HK1: variants seen among roughly 807,000 people sequenced by gnomAD.
The protein encoded by HK1 is hexokinase-1.
In HK1, 28 loss-of-function variants were observed where a neutral mutation model predicts 91.6. The observed-to-expected ratio is 0.31, with a 90% CI of 0.23 to 0.42. The LOEUF (loss-of-function observed/expected upper bound fraction) is 0.42, where lower values mean the gene tolerates loss of function less well. Ranked by LOEUF, HK1 falls within the 10% of genes least tolerant of loss-of-function variation. The pLI is 1.00. For missense variants in HK1, 770 were observed against 1,219.8 expected, an observed-to-expected ratio of 0.63 and a Z score of 5.49; for synonymous variants, 430 against 468.1, an observed-to-expected ratio of 0.92 and a Z score of 1.05.
At chr10:69,338,911 G>A (rs190309688) in intron 1 of HK1, among the ~76,000 whole-genome samples, 1 of 152,268 alleles carries the variant, frequency 6.6e-6, no homozygotes, top group East Asian at 1.9e-4. Flanking sequence ...AAGACCAAGA[G>A]TCAGCCTTTC....
chr10:69,400,317 C>T (rs1010016484), intron 17 of HK1, among the ~76,000 whole-genome samples: 7 of 152,236 alleles, frequency 4.6e-5, no homozygotes, highest in African/African-American at 1.7e-4. Context: ...GAGCCCCTCA[C>T]CACAAGCATC....
At chr10:69,291,532 G>A (rs908139263) in intron 3 of HK1, among the ~76,000 whole-genome samples, 6 of 152,174 alleles carry the variant, frequency 3.9e-5, no homozygotes, top group African/African-American at 1.4e-4. Context: ...GGGAAACTGA[G>A]GCTTAGAGAG....
chr10:69,299,722 C>T (rs183146621), intron 4 of HK1, among the ~76,000 whole-genome samples: 63 of 150,706 alleles, frequency 4.2e-4, no homozygotes, highest in East Asian at 3.5e-3. Flanking sequence ...AGTGCAGTGG[C>T]GCAATCTCGG....
In HK1 at chr10:69,300,120, C is replaced by T. The variant is rs563831115; in HGVS notation, c.-66-649C>T. On this transcript the variant is annotated intron_variant, in intron 4 of 21. Coordinates refer to the HK1 transcript ENST00000360289. ...CGGCTGTTTAAGAAGTTTTAACACA[C>T]GTATACACCTATGTAACCGTTGCCC... Among the ~76,000 whole-genome samples, 15 of 151,758 alleles carry T rather than the reference C, an allele frequency of 9.9e-5. 1 individual carries two copies. Among genetic ancestry groups the T allele is most frequent in the African/African-American group, 3.6e-4 (15 of 41,136 alleles).
intron 10 of HK1, 94 bp from the exon 11 acceptor site, chr10:69,384,239 G>A (rs1839525893): frequency 6.9e-7 from 1 of 1,444,374 alleles, no homozygotes; most frequent in South Asian, 1.1e-5. Context: ...TTTGCTATGG[G>A]GTTCTCCCCT....
Position 69,360,014 on chromosome 10 carries a change from C to T in HK1, c.344C>T (p.Pro115Leu). The T allele has an allele frequency of 6.2e-7, 1 of 1,614,148 alleles. No homozygotes were observed. Among genetic ancestry groups the T allele is most frequent in the South Asian group, 1.1e-5 (1 of 91,084 alleles). ...VHMESEVYDT[P>L]ENIVHGSGSQ... ...ATGGAGTCCGAGGTTTATGACACCC[C>T]AGAGAACATCGTGCACGGCAGTGGA... Residue 115 changes from proline to leucine, a missense_variant, in exon 3 of 18, where the codon CCA becomes CTA. Coordinates refer to ENST00000359426, the MANE Select transcript of HK1 (RefSeq NM_000188.3).
intron 17 of HK1, 98 bp downstream of exon 17, chr10:69,398,926 G>A (rs1480718509): frequency 3.4e-6 from 3 of 889,048 alleles, no homozygotes; most frequent in African/African-American, 3.3e-5. Flanking sequence ...ATGCCCTGCG[G>A]GAGCCCAGCC....
Position 69,386,336 on chromosome 10 carries a change from C to T in HK1, c.1853C>T (p.Thr618Met), listed in dbSNP as rs768122775. The T allele has an allele frequency of 6.2e-6, 10 of 1,613,646 alleles. No individual in the cohort carries two copies. The highest frequency in any genetic ancestry group is 1.7e-5 in the Admixed American group (1 of 60,022). Residue 618 changes from threonine (T) to methionine (M), a missense_variant, in exon 13 of 18, where the codon ACG becomes ATG. Physicochemically the swap from Thr to Met is moderately conservative, Grantham distance 81 (BLOSUM62 -1). Transcript: ENST00000359426. The stretch of plus-strand genomic sequence containing the variant: ...TTTATGTTGTAGGGAATCTTGATCA[C>T]GTGGACAAAGGGTTTTAAGGCAACA... ...QTSLDAGILI[T>M]WTKGFKATDC...
chr10:69,297,419 A>G (rs562335182), intron 4 of HK1, among the ~76,000 whole-genome samples: 1 of 152,186 alleles, frequency 6.6e-6, no homozygotes, highest in Admixed American at 6.5e-5. Context: ...TGCAGTGCAA[A>G]CCGGTGTTGT....
rs1182939903 is a variant in HK1, at chr10:69,318,873, G to T, written c.-75G>T. The T allele has an allele frequency of 2.0e-6, 3 of 1,516,386 alleles. No individual in the cohort carries two copies. Among genetic ancestry groups the T allele is most frequent in the Non-Finnish European group, 2.6e-6 (3 of 1,133,784 alleles). The allele number at this position is 1,516,386 out of a possible 1,614,324, so 93.9% of individuals were successfully genotyped here. A position where few individuals can be genotyped will look rare whatever the true frequency, so the allele number is the denominator to read the frequency against. ...AGGAGGAGCCGCCGAGCAGCCGCCG[G>T]AGGACCACGGCTCGCCAGGGCTGCG... is the stretch of plus-strand genomic sequence containing the variant. On this transcript the variant is annotated 5_prime_UTR_variant, in exon 1 of 18. Transcript: ENST00000359426.
At chr10:69,355,540 A>C (rs1849085427) in intron 2 of HK1, among the ~76,000 whole-genome samples, 1 of 152,184 alleles carries the variant, frequency 6.6e-6, no homozygotes, top group South Asian at 2.1e-4. Flanking sequence ...CTGTAATCCT[A>C]GCACTTTGGG....
At chr10:69,355,826 C>CA (rs1849098787) in intron 2 of HK1, among the ~76,000 whole-genome samples, 1 of 151,916 alleles carries the variant, frequency 6.6e-6, no homozygotes, top group Non-Finnish European at 1.5e-5. Context: ...AAAATAAATG[C>CA]ATACATTACG....
At chr10:69,384,968 G>A in intron 12 of HK1, 53 bp downstream of exon 12, 1 of 1,609,648 alleles carries the variant, frequency 6.2e-7, no homozygotes, top group Non-Finnish European at 8.5e-7. Flanking sequence ...GTCCCCTGTG[G>A]CCTGGGTGGG....
At chr10:69,317,213 C>T (rs745819831), upstream of HK1, among the ~76,000 whole-genome samples, 42 of 152,168 alleles carry the variant, frequency 2.8e-4, no homozygotes, top group Middle Eastern at 3.2e-3. Flanking sequence ...ACCTGCCATT[C>T]CTTAAGTGTG....
intron 3 of HK1, among the ~76,000 whole-genome samples, chr10:69,290,386 C>A (rs2132460303): frequency 6.6e-6 from 1 of 152,312 alleles, no homozygotes; most frequent in Middle Eastern, 3.4e-3. Flanking sequence ...TTATCTTTCC[C>A]TCAGTCCTAC....
intron 17 of HK1, 80 bp from the exon 18 acceptor site, chr10:69,400,911 G>T: frequency 6.8e-7 from 1 of 1,463,292 alleles, no homozygotes; most frequent in Non-Finnish European, 9.6e-7. Context: ...TCAGGGGGCT[G>T]TCTGTGCTTT....
At chr10:69,301,774 G>A (rs903107059) in intron 5 of HK1, among the ~76,000 whole-genome samples, 4 of 152,040 alleles carry the variant, frequency 2.6e-5, no homozygotes, top group Admixed American at 2.6e-4. Flanking sequence ...TATTGTTAAG[G>A]TGGTAAACTC....
At chr10:69,303,680 T>C (rs1161696836) in intron 5 of HK1, among the ~76,000 whole-genome samples, 7 of 151,834 alleles carry the variant, frequency 4.6e-5, no homozygotes, top group African/African-American at 1.7e-4. Flanking sequence ...AGGGCAATCC[T>C]GGACAAGCTC....
chr10:69,399,788 A>T (rs764112482), intron 17 of HK1, among the ~76,000 whole-genome samples: 2 of 152,146 alleles, frequency 1.3e-5, no homozygotes, highest in Non-Finnish European at 2.9e-5. Flanking sequence ...CTTGCCAGTC[A>T]AGAGTGCTAA....
Sources: allele counts gnomAD v4.1 joint callset (sites outside exome capture counted in the v4.1 genomes callset), GRCh38; gene constraint gnomAD v4.1.1; transcripts MANE v1.5; gene names NCBI Gene and HGNC (gene_info 2026-07-23, HGNC 2026-07-21).